The following RNF130 variants were observed in gnomAD, a reference collection of about 807,000 sequenced individuals.
RNF130 encodes E3 ubiquitin-protein ligase RNF130.
A neutral mutation model predicts 44.6 loss-of-function variants in RNF130; 21 were observed. The ratio of observed to expected loss-of-function variants is 0.47; its 90% CI spans 0.33 to 0.68. The LOEUF is 0.68. RNF130 is among the 30% of genes least tolerant of loss of function. RNF130 has a pLI of 0.02. For missense variants in RNF130, 479 were observed against 560.6 expected (o/e 0.85, Z 1.47); for synonymous variants, 214 against 210.4 (o/e 1.02, Z -0.15).
chr5:180,049,585 G>A (rs959365905), intron 1 of RNF130, among the ~76,000 whole-genome samples: 2 of 152,238 alleles, frequency 1.3e-5, no homozygotes, highest in Middle Eastern at 3.4e-3. Flanking sequence ...GACATGTTAA[G>A]TATTTTAAAT....
intron 6 of RNF130, among the ~76,000 whole-genome samples, chr5:179,969,417 A>G (rs746318210): frequency 6.6e-6 from 1 of 151,998 alleles, no homozygotes; most frequent in Non-Finnish European, 1.5e-5. Context: ...AAGCAATGAC[A>G]TCGTTTTATA....
intron 7 of RNF130, 176 bp from the exon 8 acceptor site, chr5:179,963,740 G>A (rs543573546): frequency 4.9e-6 from 3 of 608,704 alleles, no homozygotes; most frequent in Middle Eastern, 2.6e-4. Flanking sequence ...AAGGTTAGTG[G>A]AAGTACTGGT....
At chr5:179,986,171 T>C (rs566832436) in intron 3 of RNF130, among the ~76,000 whole-genome samples, 2 of 152,224 alleles carry the variant, frequency 1.3e-5, no homozygotes, top group Non-Finnish European at 2.9e-5. Flanking sequence ...GCAAAAGGTA[T>C]TTAGCAAAAA....
intron 5 of RNF130, among the ~76,000 whole-genome samples, chr5:179,972,002 C>A (rs1762596760): frequency 6.6e-6 from 1 of 152,194 alleles, no homozygotes; most frequent in South Asian, 2.1e-4. Flanking sequence ...AGAACCATCA[C>A]CCCTGAAGGC....
At chr5:179,917,633 C>T (rs994301020) in exon 8 of RNF130, 1 of 152,230 alleles carries the variant, frequency 6.6e-6, no homozygotes, top group African/African-American at 2.4e-5. Context: ...CACTTCCTGC[C>T]AGGGTCCCGA....
At chr5:180,017,648 G>A (rs1481520193) in intron 2 of RNF130, among the ~76,000 whole-genome samples, 1 of 151,916 alleles carries the variant, frequency 6.6e-6, no homozygotes, top group Non-Finnish European at 1.5e-5. Flanking sequence ...GAAATGCTGG[G>A]TGGGCAGTTT....
At chr5:180,012,274 G>A (rs1349247348) in intron 3 of RNF130, among the ~76,000 whole-genome samples, 1 of 152,140 alleles carries the variant, frequency 6.6e-6, no homozygotes, top group Non-Finnish European at 1.5e-5. Context: ...ACCATGTTAG[G>A]AGAAGACAGC....
At chr5:180,009,999 G>C (rs942032203) in intron 3 of RNF130, among the ~76,000 whole-genome samples, 1 of 152,126 alleles carries the variant, frequency 6.6e-6, no homozygotes, top group African/African-American at 2.4e-5. Flanking sequence ...TGTAATCCCA[G>C]CACTTTGGGA....
chr5:179,956,648 T>C (rs1308528843), intron 8 of RNF130: 6 of 152,654 alleles, frequency 3.9e-5, no homozygotes, highest in Admixed American at 3.9e-4. Flanking sequence ...CCTCACTGTG[T>C]GCCCTAATTA....
At chr5:179,953,099 A>C (rs1762151636), downstream of RNF130, among the ~76,000 whole-genome samples, 1 of 138,574 alleles carries the variant, frequency 7.2e-6, no homozygotes, top group African/African-American at 2.7e-5. Flanking sequence ...AGAAAAGCCC[A>C]AGGAATCCAC....
intron 1 of RNF130, among the ~76,000 whole-genome samples, chr5:180,051,402 A>T (rs953364083): frequency 2.0e-5 from 3 of 151,976 alleles, no homozygotes; most frequent in Non-Finnish European, 4.4e-5. Context: ...GGTGCCCGCC[A>T]TCACACCTGG....
chr5:180,009,435 G>T (rs764914928), intron 3 of RNF130, among the ~76,000 whole-genome samples: 4 of 152,150 alleles, frequency 2.6e-5, no homozygotes, highest in Non-Finnish European at 5.9e-5. Context: ...ATGGGCAAAA[G>T]ACATGAATGG....
chr5:180,031,577 T>TGTTCAA, intron 2 of RNF130, among the ~76,000 whole-genome samples: 1 of 152,332 alleles, frequency 6.6e-6, no homozygotes, highest in South Asian at 2.1e-4. Context: ...ACCTTCTCAC[T>TGTTCAA]GTTCAAGGGC....
intron 2 of RNF130, among the ~76,000 whole-genome samples, chr5:180,026,240 T>C (rs563507569): frequency 2.6e-5 from 4 of 152,278 alleles, no homozygotes; most frequent in Admixed American, 6.5e-5. Flanking sequence ...CTTTCAACAA[T>C]GGAAAGAATG....
intron 8 of RNF130, among the ~76,000 whole-genome samples, chr5:179,963,154 C>T (rs1031810425): frequency 6.6e-6 from 1 of 152,224 alleles, no homozygotes; most frequent in African/African-American, 2.4e-5. Context: ...AGGATGCTGA[C>T]AGCCTTTTAC....
intron 3 of RNF130, among the ~76,000 whole-genome samples, chr5:179,995,759 T>C (rs775823324): frequency 6.6e-6 from 1 of 152,232 alleles, no homozygotes; most frequent in Non-Finnish European, 1.5e-5. Context: ...ATCTCCTGTA[T>C]TGGGGATTTT....
At chr5:179,927,486 C>G (rs966341832) in intron 7 of RNF130, among the ~76,000 whole-genome samples, 3 of 152,080 alleles carry the variant, frequency 2.0e-5, no homozygotes, top group Non-Finnish European at 4.4e-5. Context: ...ATACTACCAG[C>G]GCCCTACAAG....
At chr5:179,952,173 G>C (rs1374434342), downstream of RNF130, among the ~76,000 whole-genome samples, 1 of 152,000 alleles carries the variant, frequency 6.6e-6, no homozygotes, top group Non-Finnish European at 1.5e-5. Flanking sequence ...ACTCCAGCCT[G>C]GGTGACAGAG....
rs77889528 is a variant in RNF130 at position 180,067,958 on chromosome 5, A to G, written c.247+3498T>C. 4.1e-3 allele frequency among the ~76,000 whole-genome samples: 632 copies of G among 152,364 alleles called. 24 individuals carry two copies. The East Asian group carries it at 0.087, about 21-fold the overall frequency. On this transcript the variant is annotated intron_variant, in intron 1 of 8. Transcript: ENST00000521389. Reference sequence around the variant, plus strand: ...TAATAGGATTACATTTTTAAACATGAAAACCTAAGATTCACTTTTTTGAGT... The same window carrying G: ...TAATAGGATTACATTTTTAAACATGGAAACCTAAGATTCACTTTTTTGAGT...
Sources: allele counts gnomAD v4.1 joint callset (sites outside exome capture counted in the v4.1 genomes callset), GRCh38; gene constraint gnomAD v4.1.1; transcripts MANE v1.5; gene names NCBI Gene and HGNC (gene_info 2026-07-23, HGNC 2026-07-21).